NRG2: variants seen among roughly 807,000 people sequenced by gnomAD.
NRG2 encodes pro-neuregulin-2, membrane-bound isoform.
Under a neutral mutation model 73.9 loss-of-function variants are expected in NRG2, and 27 were observed. That is an observed-to-expected ratio of 0.37 (90% CI 0.27 to 0.50). The LOEUF (loss-of-function observed/expected upper bound fraction) is 0.50, where lower values mean the gene tolerates loss of function less well. Among genes scored for constraint, NRG2 ranks in the 20% least tolerant of loss-of-function variants. The probability of loss-of-function intolerance (pLI) is 0.96; values close to 1 mark genes in which losing one functional copy is unlikely to be tolerated. For synonymous variants in NRG2, 532 were observed against 541.0 expected (o/e 0.98, Z 0.23); for missense variants, 1,126 against 1,210.1 (o/e 0.93, Z 1.03).
chr5:140,004,406 A>G (rs1443184646), intron 1 of NRG2, among the ~76,000 whole-genome samples: 1 of 152,224 alleles, frequency 6.6e-6, no homozygotes, highest in Non-Finnish European at 1.5e-5. Flanking sequence ...GCACAGTCTC[A>G]AAGTATGTCC....
chr5:139,880,351 G>A (rs1159469940), intron 3 of NRG2, among the ~76,000 whole-genome samples: 2 of 152,166 alleles, frequency 1.3e-5, no homozygotes, highest in Non-Finnish European at 2.9e-5. Context: ...AAGGAGTGAG[G>A]ATGGCCTGTC....
chr5:140,023,090 C>G (rs372473645), intron 1 of NRG2, among the ~76,000 whole-genome samples: 3 of 152,208 alleles, frequency 2.0e-5, no homozygotes, highest in Non-Finnish European at 4.4e-5. Context: ...AACTCCAGTC[C>G]AGTATGAATT....
chr5:139,979,942 T>C (rs1756665234), intron 1 of NRG2, among the ~76,000 whole-genome samples: 1 of 152,100 alleles, frequency 6.6e-6, no homozygotes, highest in African/African-American at 2.4e-5. Flanking sequence ...ATATAACTAA[T>C]ATAAGAGGCC....
Position 139,852,333 on chromosome 5 carries a change from G to T in NRG2, c.1544+99C>A. The T allele has an allele frequency of 6.9e-7, 1 of 1,447,194 alleles. No homozygotes were observed. Among genetic ancestry groups the T allele is most frequent in the Non-Finnish European group, 9.4e-7 (1 of 1,066,798 alleles). 89.6% of individuals were successfully genotyped at this position (1,447,194 alleles called of 1,614,324 possible). On this transcript the variant is annotated intron_variant, in intron 8 of 9. Coordinates refer to ENST00000361474, the MANE Select transcript of NRG2 (RefSeq NM_004883.3). The surrounding 1 kb of genome is among the most constrained non-coding windows in gnomAD (Gnocchi z 4.4). The stretch of plus-strand genomic sequence containing the variant: ...TGTGATTCCTGTGGCAAGCTCAGGG[G>T]AGGGTATTGAATAGCTCTGGATGTC...
rs1223144753 is a variant in NRG2, at chr5:139,897,329, T to C, written c.701-9818A>G. Among the ~76,000 whole-genome samples, 3 of 152,238 alleles carry C rather than the reference T, an allele frequency of 2.0e-5. No individual in the cohort carries two copies. In the East Asian group the frequency reaches 5.8e-4, roughly 29 times the overall value. On this transcript the variant is annotated intron_variant, in intron 1 of 9. Transcript: ENST00000361474. ...GAGAATTAAATGAGGGTAATGTATG[T>C]CAAGAAGTTTGCACAGTGCCTGAAA...
At chr5:139,968,889 C>T (rs1039759756) in intron 1 of NRG2, among the ~76,000 whole-genome samples, 2 of 152,244 alleles carry the variant, frequency 1.3e-5, no homozygotes, top group African/African-American at 4.8e-5. Context: ...GGAGAGGGCA[C>T]TCCGAGGCCG....
intron 1 of NRG2, among the ~76,000 whole-genome samples, chr5:139,961,888 C>A (rs1360286824): frequency 2.6e-5 from 4 of 152,194 alleles, no homozygotes; most frequent in African/African-American, 9.7e-5. Context: ...TGGGGACATG[C>A]AAACTCATCC....
Position 139,887,976 on chromosome 5 carries a change from A to G in NRG2, c.701-465T>C, listed in dbSNP as rs1333639400. Among the ~76,000 whole-genome samples, 1 of 152,192 alleles carries G rather than the reference A, an allele frequency of 6.6e-6. No homozygotes were observed. The highest frequency in any genetic ancestry group is 1.5e-5 in the Non-Finnish European group (1 of 68,040). ...GGCTGTACTGGTGGGCTCAGGCCCA[A>G]TCACGGATGCAAAGCTGCAAATGCC... On this transcript the variant is annotated intron_variant, in intron 1 of 9. Coordinates refer to ENST00000361474, the MANE Select transcript of NRG2 (RefSeq NM_004883.3). The surrounding 1 kb of genome is among the most constrained non-coding windows in gnomAD (Gnocchi z 4.5).
chr5:140,015,361 T>G (rs1010858991), intron 1 of NRG2, among the ~76,000 whole-genome samples: 1 of 152,156 alleles, frequency 6.6e-6, no homozygotes, highest in Non-Finnish European at 1.5e-5. Context: ...CCCAATGTAA[T>G]GCCTAGCACA....
intron 6 of NRG2, 85 bp downstream of exon 6, chr5:139,855,591 G>C (rs564491442): frequency 1.7e-6 from 2 of 1,157,852 alleles, no homozygotes; most frequent in East Asian, 2.3e-5. Context: ...CCAGTGGGGT[G>C]GGGGAGGAAA....
At chr5:140,035,280 C>G (rs1015998251) in intron 1 of NRG2, among the ~76,000 whole-genome samples, 1 of 152,198 alleles carries the variant, frequency 6.6e-6, no homozygotes, top group South Asian at 2.1e-4. Flanking sequence ...CAAACTACTT[C>G]TCCAAGAAAC....
At chr5:139,946,552 G>A (rs576692530) in intron 1 of NRG2, among the ~76,000 whole-genome samples, 9 of 151,972 alleles carry the variant, frequency 5.9e-5, no homozygotes, top group Non-Finnish European at 1.2e-4. Flanking sequence ...TTGTGACACT[G>A]GATTGGGCAG....
chr5:139,865,290 T>C lies in NRG2; in HGVS notation c.1189+259A>G. On this transcript the variant is annotated intron_variant, in intron 5 of 9. Transcript: ENST00000361474. The surrounding 1 kb of genome is among the most constrained non-coding windows in gnomAD (Gnocchi z 5.2). The stretch of plus-strand genomic sequence containing the variant: ...TGGGTTCCTTGCCACCGTTACCATT[T>C]GTATTGGCCTTGCCACTCTGCCCCT... The C allele has an allele frequency of 1.1e-6, 1 of 878,510 alleles. No homozygotes were observed. The allele number at this position is 878,510 out of a possible 1,614,324, so 54.4% of individuals were successfully genotyped here.
At chr5:139,863,574 G>A (rs902878472) in intron 5 of NRG2, among the ~76,000 whole-genome samples, 27 of 152,160 alleles carry the variant, frequency 1.8e-4, no homozygotes, top group Non-Finnish European at 7.4e-5. Context: ...GCTGGGACTC[G>A]CCATCCAGGA....
intron 1 of NRG2, among the ~76,000 whole-genome samples, chr5:139,908,681 C>G (rs1441779999): frequency 6.6e-6 from 1 of 152,168 alleles, no homozygotes; most frequent in African/African-American, 2.4e-5. Context: ...TGGTGTTGCT[C>G]AAGAAGATAG....
chr5:139,872,981 C>T (rs1762958653), intron 3 of NRG2, among the ~76,000 whole-genome samples: 1 of 152,148 alleles, frequency 6.6e-6, no homozygotes, highest in Admixed American at 6.5e-5. Flanking sequence ...CCAGCTGGCC[C>T]TGTCTCCTCA....
At chr5:139,910,527 C>T (rs538654056) in intron 1 of NRG2, among the ~76,000 whole-genome samples, 13 of 152,306 alleles carry the variant, frequency 8.5e-5, no homozygotes, top group Admixed American at 7.2e-4. Context: ...AAAAAATGGG[C>T]CCACAGGCCT....
intron 1 of NRG2, among the ~76,000 whole-genome samples, chr5:140,017,125 T>G (rs1759848846): frequency 6.6e-6 from 1 of 152,188 alleles, no homozygotes; most frequent in Admixed American, 6.5e-5. Context: ...TGATCAGTAT[T>G]GACATGGGTG....
chr5:140,042,892 C>A lies in NRG2; in HGVS notation c.178G>T (p.Ala60Ser). 6.6e-7 allele frequency: 1 copy of A among 1,522,206 alleles called. No individual in the cohort carries two copies. The highest frequency in any genetic ancestry group is 8.8e-7 in the Non-Finnish European group (1 of 1,136,784). 94.3% of individuals were successfully genotyped at this position (1,522,206 alleles called of 1,614,324 possible). Reference sequence around the variant, plus strand: ...TGCGGCCGCGGCTCTGGGGGCGCAGCGGGACGAGAGATGCTGCTGTTGTTG... The same window carrying A: ...TGCGGCCGCGGCTCTGGGGGCGCAGAGGGACGAGAGATGCTGCTGTTGTTG... ...SSNNSSISRP[A>S]APPEPRPQQQ... Residue 60 changes from alanine (A) to serine (S), a missense_variant, in exon 1 of 10, where the codon GCT (alanine) becomes TCT (serine). Physicochemically the swap from Ala to Ser is moderately conservative, Grantham distance 99. This residue lies in a region of NRG2 where 185 missense variants were observed against 149.0 expected (regional missense o/e 1.24). Coordinates refer to ENST00000361474, the MANE Select transcript of NRG2 (RefSeq NM_004883.3).
Sources: gnomAD v4.1 joint callset for allele counts (sites outside exome capture counted in the v4.1 genomes callset) on GRCh38, gnomAD v4.1.1 for gene constraint, gnomAD v4.1.1 regional missense constraint, Gnocchi (gnomAD v3.1) non-coding constraint, MANE v1.5 for transcripts, NCBI Gene and HGNC (gene_info 2026-07-23, HGNC 2026-07-21) for gene names.